The following ARAP3 variants were observed in gnomAD, a reference collection of about 807,000 sequenced individuals.
ARAP3 encodes the protein ArfGAP with RhoGAP domain, ankyrin repeat and PH domain 3, also known as arf-GAP with Rho-GAP domain, ANK repeat and PH domain-containing protein 3.
Under a neutral mutation model 169.2 loss-of-function variants are expected in ARAP3, and 82 were observed. The ratio of observed to expected loss-of-function variants is 0.48; its 90% confidence interval spans 0.41 to 0.58. The LOEUF (loss-of-function observed/expected upper bound fraction) is 0.58, where lower values mean the gene tolerates loss of function less well. Ranked by LOEUF, ARAP3 falls within the 20% of genes least tolerant of loss-of-function variation. The pLI is 0.00. For synonymous variants in ARAP3, 791 were observed against 800.3 expected (o/e 0.99, Z 0.20); for missense variants, 1,764 against 2,018.0 (o/e 0.87, Z 2.41).
At chr5:141,676,356 C>CA (rs1177595382) in intron 4 of ARAP3, among the ~76,000 whole-genome samples, 2 of 152,038 alleles carry the variant, frequency 1.3e-5, no homozygotes, top group African/African-American at 2.4e-5. Flanking sequence ...TCAAAAACAA[C>CA]AAAAAAACTC....
chr5:141,667,914 C>T (rs1302207116), intron 16 of ARAP3, among the ~76,000 whole-genome samples: 1 of 151,448 alleles, frequency 6.6e-6, no homozygotes, highest in East Asian at 2.0e-4. Context: ...AGGTCATGTG[C>T]GCCTGTAGTC....
chr5:141,655,775 G>T lies in ARAP3; in HGVS notation c.3973-17C>A. 1 of 1,614,146 alleles carries T rather than the reference G, an allele frequency of 6.2e-7. No individual in the cohort carries two copies. The highest frequency in any genetic ancestry group is 8.5e-7 in the Non-Finnish European group (1 of 1,180,016). ...GTCATCGTGCTGGTGGGAGCGTGAG[G>T]GGTTGGCATCAGTGGGCATGAAAGG... On this transcript the variant is annotated splice_polypyrimidine_tract_variant and intron_variant, in intron 30 of 32. Transcript: ENST00000239440.
chr5:141,675,686 G>A (rs1228180686), intron 4 of ARAP3, among the ~76,000 whole-genome samples: 1 of 151,022 alleles, frequency 6.6e-6, no homozygotes, highest in African/African-American at 2.4e-5. Flanking sequence ...TCGAGCCACT[G>A]TACTCCAGCC....
chr5:141,679,921 A>T (rs779423567), intron 2 of ARAP3, 42 bp downstream of exon 2: 20 of 1,611,016 alleles, frequency 1.2e-5, no homozygotes, highest in Non-Finnish European at 1.5e-5. Context: ...TCTCCTCCCC[A>T]CTCCTCCCAG....
chr5:141,654,152 C>T lies in ARAP3; in HGVS notation c.4433G>A (p.Arg1478Gln), dbSNP rs147992246. 2.9e-3 allele frequency: 4,599 copies of T among 1,600,730 alleles called. 8 individuals carry two copies. Among genetic ancestry groups the T allele is most frequent in the Non-Finnish European group, 3.5e-3 (4,061 of 1,169,200 alleles). ...GPPSKSSPQA[R>Q]GSLEEQLLQE... ...GAGCAGCTGTTCCTCTAGGGACCCCCGTGCCTGGGGACTGCTCTTTGAAGG... is the reference window on the plus strand; with the variant it reads ...GAGCAGCTGTTCCTCTAGGGACCCCTGTGCCTGGGGACTGCTCTTTGAAGG... Residue 1478 changes from arginine to glutamine, a missense_variant, in exon 33 of 33, where the codon CGG (arginine) becomes CAG (glutamine). Physicochemically the swap from Arg to Gln is conservative, Grantham distance 43 (BLOSUM62 1). Transcript: ENST00000239440.
At chr5:141,664,630 A>G (rs547559602) in intron 19 of ARAP3, among the ~76,000 whole-genome samples, 1 of 152,240 alleles carries the variant, frequency 6.6e-6, no homozygotes, top group East Asian at 1.9e-4. Context: ...CTGAACACTT[A>G]CTACATGCCA....
Position 141,670,615 on chromosome 5 carries a change from A to T in ARAP3, c.2004T>A (p.Gly668=), listed in dbSNP as rs774287091. The change falls in exon 14 of 33, where the codon GGT becomes GGA. Residue 668 remains glycine, a synonymous_variant. Transcript: ENST00000239440. The part of the protein sequence containing the change: ...PGLLPSDPSP[G]VYNEVVVRAT... The stretch of plus-strand genomic sequence containing the variant: ...CACGCACCACCACCTCATTGTACAC[A>T]CCAGGGGAGGGGTCTGCAAGGGGAA... 4.2e-5 allele frequency: 68 copies of T among 1,613,658 alleles called. No individual in the cohort carries two copies. The highest frequency in any genetic ancestry group is 1.8e-5 in the Non-Finnish European group (21 of 1,179,776).
At chr5:141,661,948 G>A (rs562852906) in intron 20 of ARAP3, 95 bp downstream of exon 20, 1 of 1,546,786 alleles carries the variant, frequency 6.5e-7, no homozygotes, top group East Asian at 2.3e-5. Flanking sequence ...CCCAGGGTGG[G>A]AAGTGATGGG....
intron 4 of ARAP3, among the ~76,000 whole-genome samples, chr5:141,674,848 C>T (rs1303554020): frequency 1.3e-5 from 2 of 152,200 alleles, no homozygotes; most frequent in Non-Finnish European, 2.9e-5. Context: ...TGCAAATTCC[C>T]TAACTGGCCA....
rs867622204 is a variant in ARAP3, at chr5:141,656,542, G to A, written c.3751C>T (p.Leu1251=). The A allele has an allele frequency of 5.0e-6, 8 of 1,612,650 alleles. No individual in the cohort carries two copies. The highest frequency in any genetic ancestry group is 1.7e-5 in the Admixed American group (1 of 59,798). Residue 1251 remains leucine (L), a synonymous_variant, in exon 27 of 33, where the codon CTG becomes TTG. Coordinates refer to ENST00000239440, the MANE Select transcript of ARAP3 (RefSeq NM_022481.6). ...GSRFQERFFL[L]RGRCLLLLKE... is the part of the protein sequence containing the mutation. ...AGCAGCAGCAGGCAGCGGCCACGCA[G>A]CAGAAAGAACCTCTCCTGGAAGCGG...
In ARAP3 at chr5:141,661,989, G is replaced by C. The variant is rs1462161506; in HGVS notation, c.3013+54C>G. The C allele has an allele frequency of 6.9e-6, 11 of 1,600,656 alleles. No individual in the cohort carries two copies. The Admixed American group carries it at 1.5e-4, about 22-fold the overall frequency. On this transcript the variant is annotated intron_variant, in intron 20 of 32. Coordinates refer to ENST00000239440, the MANE Select transcript of ARAP3 (RefSeq NM_022481.6). ...GGGCTGCCAAACCATGGATTCTGGT[G>C]GGGGAAGGCAGAGATCCTGGTTGGG...
Position 141,671,661 on chromosome 5 carries a change from C to A in ARAP3, c.1763G>T (p.Gly588Val), listed in dbSNP as rs1264122471. 1 of 1,613,728 alleles carries A rather than the reference C, an allele frequency of 6.2e-7. No homozygotes were observed. The highest frequency in any genetic ancestry group is 8.5e-7 in the Non-Finnish European group (1 of 1,179,884). ...TCGGGAGATGAACTCTCCCCGGGGG[C>A]CAGGGGTCGCATCTGGATGTAGTCC... ...GEGLHPDATP[G>V]PRGEFISRKY... is the part of the protein sequence containing the mutation. Residue 588 changes from glycine to valine, a missense_variant, in exon 12 of 33, where the codon GGC becomes GTC. By Grantham distance (109) the Gly-to-Val change is moderately radical. Around this residue, in one of 3 missense-constraint regions of ARAP3, gnomAD observed 1,112 missense variants for 1,285.7 expected, o/e 0.86. Coordinates refer to ENST00000239440, the MANE Select transcript of ARAP3 (RefSeq NM_022481.6). The surrounding 1 kb of genome is among the most constrained non-coding windows in gnomAD (Gnocchi z 4.9).
In ARAP3 at chr5:141,672,800, T is replaced by C. The variant is rs1347203587; in HGVS notation, c.1219A>G (p.Lys407Glu). The change falls in exon 8 of 33, where the codon AAG becomes GAG. Residue 407 changes from lysine (K) to glutamate (E), a missense_variant. Around this residue, in one of 3 missense-constraint regions of ARAP3, gnomAD observed 630 missense variants for 678.7 expected, o/e 0.93. Coordinates refer to ENST00000239440, the MANE Select transcript of ARAP3 (RefSeq NM_022481.6). The surrounding 1 kb of genome is among the most constrained non-coding windows in gnomAD (Gnocchi z 4.9). Reference protein sequence around the residue: ...RTGMLELRGHKAKVFAALSPG... With the variant: ...RTGMLELRGHEAKVFAALSPG... Reference sequence around the variant, plus strand: ...CTCAAGGCAGCAAACACCTTGGCCTTGTGTCCACGCAGCTCCAGCATGCCC... The same window carrying C: ...CTCAAGGCAGCAAACACCTTGGCCTCGTGTCCACGCAGCTCCAGCATGCCC... 2 of 1,605,650 alleles carry C rather than the reference T, an allele frequency of 1.2e-6. No individual in the cohort carries two copies. Among genetic ancestry groups the C allele is most frequent in the Admixed American group, 1.7e-5 (1 of 59,598 alleles).
At chr5:141,656,474 C>A (rs1234256274) in intron 27 of ARAP3, 30 bp downstream of exon 27, 1 of 1,604,636 alleles carries the variant, frequency 6.2e-7, no homozygotes, top group South Asian at 1.1e-5. Context: ...GGCCACCCAG[C>A]ATCCCACACC....
At chr5:141,658,743 ACT>A in intron 23 of ARAP3, 90 bp from the exon 24 acceptor site, 1 of 1,174,762 alleles carries the variant, frequency 8.5e-7, no homozygotes, top group Non-Finnish European at 1.2e-6. Flanking sequence ...CTCATAAGTG[ACT>A]CTTCCAACAA....
At position 141,672,452 on chromosome 5, in the gene ARAP3, A is replaced by G. The variant is rs567731542; in HGVS notation, c.1385+100T>C. ...TAGCTCACTGGACTACCATCTGTGCATACCCTCTGACGTCCTACTAAAGAG... is the reference window on the plus strand; with the variant it reads ...TAGCTCACTGGACTACCATCTGTGCGTACCCTCTGACGTCCTACTAAAGAG... On this transcript the variant is annotated intron_variant, in intron 9 of 32. Transcript: ENST00000239440. The surrounding 1 kb of genome is among the most constrained non-coding windows in gnomAD (Gnocchi z 4.9). The G allele has an allele frequency of 1.3e-6, 2 of 1,489,074 alleles. No homozygotes were observed. The highest frequency in any genetic ancestry group is 1.8e-6 in the Non-Finnish European group (2 of 1,092,108). The allele number at this position is 1,489,074 out of a possible 1,614,324, so 92.2% of individuals were successfully genotyped here. A position where few individuals can be genotyped will look rare whatever the true frequency, so the allele number is the denominator to read the frequency against.
intron 23 of ARAP3, 40 bp from the exon 24 acceptor site, chr5:141,658,693 G>T (rs1179489687): frequency 1.3e-6 from 2 of 1,538,518 alleles, no homozygotes; most frequent in East Asian, 4.6e-5. Context: ...GCAAAAAAAG[G>T]GTGCAAAAGA....
chr5:141,678,746 C>T (rs2099912552), intron 4 of ARAP3, among the ~76,000 whole-genome samples: 1 of 152,176 alleles, frequency 6.6e-6, no homozygotes, highest in East Asian at 1.9e-4. Context: ...CCTCAGCCTC[C>T]CAAAGTGCTG....
chr5:141,666,670 A>G, intron 16 of ARAP3, 27 bp from the exon 17 acceptor site: 1 of 1,242,946 alleles, frequency 8.0e-7, no homozygotes, highest in Non-Finnish European at 1.1e-6. Flanking sequence ...AGGACAGGAG[A>G]AAGGGGGATG....
Sources: gnomAD v4.1 joint callset for allele counts (sites outside exome capture counted in the v4.1 genomes callset) on GRCh38, gnomAD v4.1.1 for gene constraint, gnomAD v4.1.1 regional missense constraint, Gnocchi (gnomAD v3.1) non-coding constraint, MANE v1.5 for transcripts, NCBI Gene and HGNC (gene_info 2026-07-23, HGNC 2026-07-21) for gene names.